CERS6: variants seen among roughly 807,000 people sequenced by gnomAD.
CERS6 encodes ceramide synthase 6, also known as LAG1 homolog, ceramide synthase 6.
A neutral mutation model predicts 56.8 loss-of-function variants in CERS6; 26 were observed. The observed-to-expected ratio is 0.46, with a 90% CI of 0.34 to 0.63. CERS6 has a LOEUF of 0.63. CERS6 is among the 30% of genes least tolerant of loss of function. The pLI, the probability that CERS6 is intolerant of heterozygous loss-of-function variation, is 0.01. For synonymous variants in CERS6, 164 were observed against 173.3 expected, an observed-to-expected ratio of 0.95 and a Z score of 0.42; for missense variants, 415 against 467.5, an observed-to-expected ratio of 0.89 and a Z score of 1.04.
chr2:168,722,285 T>G (rs1449767655), intron 8 of CERS6, among the ~76,000 whole-genome samples: 2 of 152,242 alleles, frequency 1.3e-5, no homozygotes, highest in African/African-American at 4.8e-5. Context: ...TAAAAGCGTT[T>G]AGATTTGATA....
At chr2:168,632,553 G>A (rs1011236820) in intron 4 of CERS6, among the ~76,000 whole-genome samples, 11 of 152,148 alleles carry the variant, frequency 7.2e-5, no homozygotes, top group African/African-American at 2.7e-4. Context: ...AGAAGGATGA[G>A]TTTTACTCTG....
chr2:168,703,514 C>T (rs1259750907), intron 6 of CERS6, among the ~76,000 whole-genome samples: 1 of 152,098 alleles, frequency 6.6e-6, no homozygotes, highest in Non-Finnish European at 1.5e-5. Context: ...GCCAAGATCA[C>T]GCCACTGCAC....
chr2:168,574,926 T>G (rs1234610375), intron 3 of CERS6, among the ~76,000 whole-genome samples: 1 of 152,224 alleles, frequency 6.6e-6, no homozygotes, highest in Non-Finnish European at 1.5e-5. Flanking sequence ...CTTCTTTTCC[T>G]TCTTTAAAGA....
intron 1 of CERS6, among the ~76,000 whole-genome samples, chr2:168,525,647 G>C (rs545082396): frequency 1.3e-5 from 2 of 152,184 alleles, no homozygotes; most frequent in African/African-American, 4.8e-5. Context: ...ACAACGGCCC[G>C]AGCCCCTGTG....
intron 4 of CERS6, among the ~76,000 whole-genome samples, chr2:168,688,244 G>A (rs1238304805): frequency 6.6e-6 from 1 of 151,830 alleles, no homozygotes; most frequent in Admixed American, 6.6e-5. Flanking sequence ...TTACATTACT[G>A]TCCTATAATT....
At chr2:168,660,445 A>G (rs1473881371) in intron 4 of CERS6, among the ~76,000 whole-genome samples, 4 of 152,262 alleles carry the variant, frequency 2.6e-5, no homozygotes, top group Non-Finnish European at 5.9e-5. Context: ...TAGAAGTTGT[A>G]ATGCTTTGTC....
At position 168,683,854 on chromosome 2, in the gene CERS6, G is replaced by A. The variant is rs560707260; in HGVS notation, c.466-7180G>A. Among the ~76,000 whole-genome samples the A allele has an allele frequency of 5.3e-5, 8 of 152,204 alleles. 1 individual carries two copies. In the South Asian group the frequency reaches 1.7e-3, roughly 32 times the overall value. On this transcript the variant is annotated intron_variant, in intron 4 of 9. Coordinates refer to ENST00000305747, the MANE Select transcript of CERS6 (RefSeq NM_203463.3). ...AGCTGTAGTGTGCATAGTGTACCAC[G>A]GTGACTGTTAGATGTGTGTGGAGAC...
chr2:168,650,672 A>AT (rs11399845), intron 4 of CERS6, among the ~76,000 whole-genome samples: 114,339 of 150,400 alleles, frequency 0.76, 43,739 homozygotes, highest in South Asian at 0.87. Flanking sequence ...CTTCCGGTGA[A>AT]TTTTTTTTTT....
At chr2:168,641,748 T>G (rs1345920173) in intron 4 of CERS6, among the ~76,000 whole-genome samples, 1 of 152,202 alleles carries the variant, frequency 6.6e-6, no homozygotes, top group Non-Finnish European at 1.5e-5. Flanking sequence ...TACTTAAGTA[T>G]GAAGTATCAT....
Position 168,486,518 on chromosome 2 carries a change from G to GTTTTTTTTTTTTTTTTTTTTTT in CERS6, c.170+29900_170+29901insTTTTTTTTTTTTTTTTTTTTTT, listed in dbSNP as rs1491580943. Among the ~76,000 whole-genome samples the GTTTTTTTTTTTTTTTTTTTTTT allele has an allele frequency of 3.9e-4, 53 of 136,300 alleles. 3 individuals carry two copies. The highest frequency in any genetic ancestry group is 1.3e-3 in the East Asian group (6 of 4,510). The allele number at this position is 136,300 out of a possible 152,430, so 89.4% of individuals were successfully genotyped here. A position where few individuals can be genotyped will look rare whatever the true frequency, so the allele number is the denominator to read the frequency against. On this transcript the variant is annotated intron_variant, in intron 1 of 9. Coordinates refer to ENST00000305747, the MANE Select transcript of CERS6 (RefSeq NM_203463.3). Reference sequence around the variant, plus strand: ...ATTTTTGTTAAAGGTGTCTAGATTTGGTTTTGTTTTTTTTTTTTTTGCCTA... The same window carrying GTTTTTTTTTTTTTTTTTTTTTT: ...ATTTTTGTTAAAGGTGTCTAGATTTGTTTTTTTTTTTTTTTTTTTTTTGTTTTGTTTTTTTTTTTTTTGCCTA...
At chr2:168,756,809 C>T (rs528381105) in intron 8 of CERS6, among the ~76,000 whole-genome samples, 7 of 152,246 alleles carry the variant, frequency 4.6e-5, no homozygotes, top group South Asian at 2.1e-4. Flanking sequence ...CCCCCACCAA[C>T]GCGATCTGAC....
intron 3 of CERS6, among the ~76,000 whole-genome samples, chr2:168,564,861 C>A (rs1478880208): frequency 6.6e-6 from 1 of 152,202 alleles, no homozygotes; most frequent in Non-Finnish European, 1.5e-5. Flanking sequence ...CTATCTATTT[C>A]AATTCCAATT....
At chr2:168,760,130 T>G (rs1684530119) in intron 8 of CERS6, among the ~76,000 whole-genome samples, 1 of 152,098 alleles carries the variant, frequency 6.6e-6, no homozygotes, top group Non-Finnish European at 1.5e-5. Context: ...AGACAACCAC[T>G]GTATTAGTCA....
At chr2:168,517,986 G>T (rs1286620812) in intron 1 of CERS6, among the ~76,000 whole-genome samples, 1 of 152,190 alleles carries the variant, frequency 6.6e-6, no homozygotes, top group South Asian at 2.1e-4. Context: ...ATAGAGCAGA[G>T]ATTTTTCTCA....
rs534820145 is a variant in CERS6 at position 168,678,295 on chromosome 2, G to T, written c.466-12739G>T. Among the ~76,000 whole-genome samples the T allele has an allele frequency of 2.0e-5, 3 of 152,264 alleles. No homozygotes were observed. The East Asian group carries it at 5.8e-4, about 29-fold the overall frequency. On this transcript the variant is annotated intron_variant, in intron 4 of 9. Coordinates refer to ENST00000305747, the MANE Select transcript of CERS6 (RefSeq NM_203463.3). ...GGCCCTTCGCGAATCGCTGCCTGAGGTACTGTCAGGCCTACGGGAGCTAGA... is the reference window on the plus strand; with the variant it reads ...GGCCCTTCGCGAATCGCTGCCTGAGTTACTGTCAGGCCTACGGGAGCTAGA...
rs1684841219 is a variant in CERS6 at position 168,770,659 on chromosome 2, G to A, written c.*997G>A. On this transcript the variant is annotated 3_prime_UTR_variant, in exon 10 of 10. Transcript: ENST00000305747. ...AGAGTTGATAAAGATTACCTGTGCA[G>A]TGCAGAGCACTTTAATGCAACCAGC... 1 of 152,650 alleles carries A rather than the reference G, an allele frequency of 6.6e-6. No homozygotes were observed. Among genetic ancestry groups the A allele is most frequent in the African/African-American group, 2.4e-5 (1 of 41,466 alleles). 9.5% of individuals were successfully genotyped at this position (152,650 alleles called of 1,614,324 possible).
chr2:168,568,322 T>G (rs1037023201), intron 3 of CERS6, among the ~76,000 whole-genome samples: 1 of 152,254 alleles, frequency 6.6e-6, no homozygotes, highest in African/African-American at 2.4e-5. Context: ...ATAACTGAAT[T>G]TATTAAGGCA....
intron 1 of CERS6, among the ~76,000 whole-genome samples, chr2:168,467,290 C>T (rs1351443950): frequency 6.6e-6 from 1 of 152,180 alleles, no homozygotes; most frequent in Non-Finnish European, 1.5e-5. Context: ...AATAGCTCAC[C>T]ATTTCAAAGC....
chr2:168,472,581 G>T (rs1693997272), intron 1 of CERS6, among the ~76,000 whole-genome samples: 1 of 152,056 alleles, frequency 6.6e-6, no homozygotes, highest in African/African-American at 2.4e-5. Flanking sequence ...ATTTAATAAA[G>T]AAATTACTGA....
Sources: gnomAD v4.1 joint callset for allele counts (sites outside exome capture counted in the v4.1 genomes callset) on GRCh38, gnomAD v4.1.1 for gene constraint, MANE v1.5 for transcripts, NCBI Gene and HGNC (gene_info 2026-07-23, HGNC 2026-07-21) for gene names.